Variants in COL4A4 observed in about 807,000 individuals in gnomAD.
The protein encoded by COL4A4 is collagen type IV alpha 4 chain.
A neutral mutation model predicts 192.9 loss-of-function variants in COL4A4; 105 were observed. That is an observed-to-expected ratio of 0.54 (90% CI 0.46 to 0.64). The LOEUF is 0.64. Ranked by LOEUF, COL4A4 falls within the 30% of genes least tolerant of loss-of-function variation. COL4A4 has a pLI of 0.00. For synonymous variants in COL4A4, 762 were observed against 769.9 expected, an observed-to-expected ratio of 0.99 and a Z score of 0.17; for missense variants, 1,967 against 2,169.3, an observed-to-expected ratio of 0.91 and a Z score of 1.85.
intron 17 of COL4A4, among the ~76,000 whole-genome samples, chr2:227,100,376 T>C (rs1269404532): frequency 6.6e-6 from 1 of 152,114 alleles, no homozygotes; most frequent in Non-Finnish European, 1.5e-5. Context: ...ATGATAATCA[T>C]GCATAATAAC....
chr2:227,099,500 T>G, intron 18 of COL4A4, 120 bp downstream of exon 18: 1 of 836,554 alleles, frequency 1.2e-6, no homozygotes, highest in Non-Finnish European at 2.1e-6. Flanking sequence ...CATGCTACAG[T>G]TCGTGCATTC....
chr2:226,977,001 G>T, the COL4A4 span, among the ~76,000 whole-genome samples: 1 of 152,184 alleles, frequency 6.6e-6, no homozygotes, highest in Admixed American at 6.5e-5. Flanking sequence ...CACAAGACTC[G>T]GGTTCCTGGT....
chr2:227,150,517 A>C (rs1377859184), intron 1 of COL4A4, among the ~76,000 whole-genome samples: 1 of 152,166 alleles, frequency 6.6e-6, no homozygotes, highest in African/African-American at 2.4e-5. Context: ...CTTATAATAA[A>C]AATTTTTTAA....
chr2:227,050,209 AT>A lies in COL4A4; in HGVS notation c.3151-79del. ...ACATGCACAACACGATCCAGTTGTA[AT>A]TTTCTGTAACTAATTTGGTTTTTGT... is the stretch of plus-strand genomic sequence containing the variant. On this transcript the variant is annotated intron_variant, in intron 33 of 47. Transcript: ENST00000396625. The A allele has an allele frequency of 7.4e-6, 10 of 1,350,844 alleles. No homozygotes were observed. The South Asian group carries it at 1.1e-4, about 14-fold the overall frequency. 83.7% of individuals were successfully genotyped at this position (1,350,844 alleles called of 1,614,324 possible).
chr2:227,030,503 G>T lies in COL4A4; in HGVS notation c.3913C>A (p.Pro1305Thr). ...GLPGPPGPPGPPGPPGYKGFP... is the reference protein window; with the variant it reads ...GLPGPPGPPGTPGPPGYKGFP... ...CCTTTGTATCCTGGAGGGCCTGGTG[G>T]GCCAGGGGGACCTGGTGGCCCTGGT... The change falls in exon 41 of 48, where the codon CCA becomes ACA. Residue 1305 changes from proline (P) to threonine (T), a missense_variant. By Grantham distance (38) the Pro-to-Thr change is conservative (BLOSUM62 -1). Coordinates refer to ENST00000396625, the MANE Select transcript of COL4A4 (RefSeq NM_000092.5). 1 of 1,613,894 alleles carries T rather than the reference G, an allele frequency of 6.2e-7. No individual in the cohort carries two copies. The highest frequency in any genetic ancestry group is 1.1e-5 in the South Asian group (1 of 91,054).
In COL4A4 at chr2:227,141,535, G is replaced by A. The variant is rs189038822; in HGVS notation, c.115-1297C>T. 9.2e-5 allele frequency among the ~76,000 whole-genome samples: 14 copies of A among 152,110 alleles called. No individual in the cohort carries two copies. In the East Asian group the frequency reaches 2.3e-3, roughly 25 times the overall value. Reference sequence around the variant, plus strand: ...GCATATATTATTTTTCTTTTCACTCGCACAGTTTAGGCTTATTTTTTGGAG... The same window carrying A: ...GCATATATTATTTTTCTTTTCACTCACACAGTTTAGGCTTATTTTTTGGAG... On this transcript the variant is annotated intron_variant, in intron 3 of 47. Transcript: ENST00000396625.
At chr2:227,076,769 C>T (rs1015026902) in intron 25 of COL4A4, among the ~76,000 whole-genome samples, 2 of 152,092 alleles carry the variant, frequency 1.3e-5, no homozygotes, top group African/African-American at 2.4e-5. Context: ...CCAGAATATA[C>T]AAGGAACTTA....
the COL4A4 span, among the ~76,000 whole-genome samples, chr2:226,992,928 G>A: frequency 3.0e-4 from 45 of 152,180 alleles, no homozygotes; most frequent in Non-Finnish European, 1.0e-4. Flanking sequence ...TGATTCTATT[G>A]GGAGTGAAAG....
chr2:227,085,445 T>C (rs1482059809), intron 22 of COL4A4, among the ~76,000 whole-genome samples: 1 of 152,186 alleles, frequency 6.6e-6, no homozygotes, highest in Non-Finnish European at 1.5e-5. Context: ...AGCCCATATA[T>C]TAGTCCACTT....
At chr2:227,010,091 T>C (rs1207799521) in intron 46 of COL4A4, among the ~76,000 whole-genome samples, 1 of 152,180 alleles carries the variant, frequency 6.6e-6, no homozygotes, top group Non-Finnish European at 1.5e-5. Flanking sequence ...AATATACTTA[T>C]TATAGCCAGA....
intron 19 of COL4A4, among the ~76,000 whole-genome samples, chr2:227,094,816 C>T (rs965339302): frequency 4.6e-5 from 7 of 152,074 alleles, no homozygotes; most frequent in Admixed American, 1.3e-4. Flanking sequence ...AGCTGTGTAT[C>T]TTAAATATAA....
chr2:227,080,089 A>G (rs572993234), intron 24 of COL4A4, among the ~76,000 whole-genome samples: 2 of 152,254 alleles, frequency 1.3e-5, no homozygotes, highest in East Asian at 1.9e-4. Flanking sequence ...AAACATCGGG[A>G]CCCGAGCTCC....
At chr2:227,115,205 C>G (rs113162950) in intron 7 of COL4A4, among the ~76,000 whole-genome samples, 5,280 of 151,594 alleles carry the variant, frequency 0.035, 303 homozygotes, top group African/African-American at 0.12. Flanking sequence ...AATGAAATAA[C>G]CTCAGTGTAT....
At chr2:227,053,673 G>A (rs1259128215) in intron 31 of COL4A4, among the ~76,000 whole-genome samples, 3 of 148,766 alleles carry the variant, frequency 2.0e-5, no homozygotes, top group Non-Finnish European at 3.0e-5. Context: ...TCAGCCTCCC[G>A]AGTAGCTGGG....
chr2:227,053,759 G>A (rs1205396600), intron 31 of COL4A4, among the ~76,000 whole-genome samples: 1 of 151,940 alleles, frequency 6.6e-6, no homozygotes, highest in Non-Finnish European at 1.5e-5. Flanking sequence ...GTGTTACCAG[G>A]ATGGTCTCGA....
In COL4A4 at chr2:227,012,258, A is replaced by T; in HGVS notation, c.4256T>A (p.Val1419Glu). The T allele has an allele frequency of 6.2e-7, 1 of 1,614,012 alleles. No individual in the cohort carries two copies. Among genetic ancestry groups the T allele is most frequent in the Non-Finnish European group, 8.5e-7 (1 of 1,179,950 alleles). Residue 1419 changes from valine (V) to glutamate (E), a missense_variant, in exon 45 of 48, where the codon GTG (valine) becomes GAG (glutamate). Coordinates refer to ENST00000396625, the MANE Select transcript of COL4A4 (RefSeq NM_000092.5). Reference sequence around the variant, plus strand: ...CCCAGGAGACCCAGGGACGCCATCCACACCCCTCCTGCCATCCAGCCCAGG... The same window carrying T: ...CCCAGGAGACCCAGGGACGCCATCCTCACCCCTCCTGCCATCCAGCCCAGG... The part of the protein sequence containing the change: ...GEPGLDGRRG[V>E]DGVPGSPGPP...
chr2:227,043,028 C>T (rs751632561), intron 36 of COL4A4, 49 bp downstream of exon 36: 25 of 1,359,508 alleles, frequency 1.8e-5, no homozygotes, highest in Non-Finnish European at 2.3e-5. Context: ...CTGAAACACT[C>T]TGAGACACAA....
intron 27 of COL4A4, among the ~76,000 whole-genome samples, 154 bp downstream of exon 27, chr2:227,059,982 C>A (rs1036114147): frequency 2.0e-5 from 3 of 151,310 alleles, no homozygotes; most frequent in Middle Eastern, 3.2e-3. Flanking sequence ...CACAATATAG[C>A]TAAGGGTCTA....
intron 3 of COL4A4, among the ~76,000 whole-genome samples, chr2:227,143,704 A>G (rs1176436269): frequency 6.6e-6 from 1 of 152,232 alleles, no homozygotes; most frequent in Non-Finnish European, 1.5e-5. Context: ...ATATCATAGT[A>G]TTGTTTCCAC....
Sources: gnomAD v4.1 joint callset for allele counts (sites outside exome capture counted in the v4.1 genomes callset) on GRCh38, gnomAD v4.1.1 for gene constraint, MANE v1.5 for transcripts, NCBI Gene and HGNC (gene_info 2026-07-23, HGNC 2026-07-21) for gene names.